Variants in NVL observed in about 807,000 individuals in gnomAD.
The protein encoded by NVL is nuclear valosin-containing protein-like.
In NVL, 84 loss-of-function variants were observed where a neutral mutation model predicts 110.2. That is an observed-to-expected ratio of 0.76 (90% CI 0.64 to 0.91). NVL has a LOEUF of 0.91. Ranked by LOEUF, NVL falls within the 40% of genes least tolerant of loss-of-function variation. NVL has a pLI of 0.00. For missense variants in NVL, 882 were observed against 1,035.9 expected, an observed-to-expected ratio of 0.85 and a Z score of 2.04; for synonymous variants, 354 against 361.1, an observed-to-expected ratio of 0.98 and a Z score of 0.22.
chr1:224,291,880 G>A (rs562311260), intron 12 of NVL, among the ~76,000 whole-genome samples: 1 of 152,146 alleles, frequency 6.6e-6, no homozygotes, highest in Non-Finnish European at 1.5e-5. Flanking sequence ...AAAAAAGTGG[G>A]TATTTTTGGT....
rs764564167 is a variant in NVL, at chr1:224,307,940, G to C, written c.615+51C>G. The C allele has an allele frequency of 2.7e-6, 4 of 1,470,812 alleles. No individual in the cohort carries two copies. The African/African-American group carries it at 5.6e-5, about 21-fold the overall frequency. 91.1% of individuals were successfully genotyped at this position (1,470,812 alleles called of 1,614,324 possible). A position where few individuals can be genotyped will look rare whatever the true frequency, so the allele number is the denominator to read the frequency against. Reference sequence around the variant, plus strand: ...TGATTGATATTATATTCAACTAAAAGGTTGAAATGTACTTCGATGATATGG... The same window carrying C: ...TGATTGATATTATATTCAACTAAAACGTTGAAATGTACTTCGATGATATGG... On this transcript the variant is annotated intron_variant, in intron 6 of 22. Coordinates refer to ENST00000281701, the MANE Select transcript of NVL (RefSeq NM_002533.4).
intron 2 of NVL, among the ~76,000 whole-genome samples, chr1:224,323,249 G>A (rs1425671433): frequency 6.6e-6 from 1 of 152,152 alleles, no homozygotes; most frequent in Admixed American, 6.5e-5. Flanking sequence ...GCAAAGTGTT[G>A]AAGTGTGGCC....
intron 19 of NVL, among the ~76,000 whole-genome samples, chr1:224,244,144 G>C (rs28673377): frequency 1.3e-5 from 2 of 151,310 alleles, no homozygotes; most frequent in Non-Finnish European, 2.9e-5. Context: ...AAGGAGGGCG[G>C]ATCACATGAG....
chr1:224,234,274 C>T (rs566721788), intron 20 of NVL, among the ~76,000 whole-genome samples: 1 of 152,210 alleles, frequency 6.6e-6, no homozygotes, highest in South Asian at 2.1e-4. Context: ...CACTACATTA[C>T]AGCTGTAACA....
intron 5 of NVL, among the ~76,000 whole-genome samples, chr1:224,310,447 C>A (rs569656898): frequency 6.6e-6 from 1 of 152,064 alleles, no homozygotes; most frequent in South Asian, 2.1e-4. Context: ...ATTACTAATG[C>A]CATCTCCTTG....
At chr1:224,329,078 G>A in intron 1 of NVL, among the ~76,000 whole-genome samples, 1 of 151,960 alleles carries the variant, frequency 6.6e-6, no homozygotes, top group Non-Finnish European at 1.5e-5. Context: ...AGGTGTGGTG[G>A]TGCACACCTG....
chr1:224,312,424 T>C (rs1264851757), intron 4 of NVL: 1 of 152,380 alleles, frequency 6.6e-6, no homozygotes, highest in Non-Finnish European at 1.5e-5. Context: ...CCTAATAAAC[T>C]ACAAGCTGAG....
At chr1:224,251,583 T>C (rs1425762734) in intron 18 of NVL, among the ~76,000 whole-genome samples, 1 of 152,134 alleles carries the variant, frequency 6.6e-6, no homozygotes, top group Non-Finnish European at 1.5e-5. Context: ...GAGGCTGCAA[T>C]GAGCGGAGAT....
At chr1:224,228,789 A>T (rs906073987) in intron 22 of NVL, among the ~76,000 whole-genome samples, 4 of 150,492 alleles carry the variant, frequency 2.7e-5, no homozygotes, top group Admixed American at 1.3e-4. Context: ...ATACAAAAAA[A>T]TTAGCTGGGC....
intron 10 of NVL, chr1:224,298,562 G>C (rs1668095638): frequency 4.5e-6 from 1 of 221,198 alleles, no homozygotes; most frequent in Admixed American, 4.2e-5. Flanking sequence ...GAAGGAGCCT[G>C]AACTGCTGGA....
intron 5 of NVL, among the ~76,000 whole-genome samples, chr1:224,309,771 G>A (rs1229168410): frequency 1.3e-5 from 2 of 152,162 alleles, no homozygotes; most frequent in East Asian, 3.9e-4. Context: ...TCTCATGTCT[G>A]TTATTCCAGC....
intron 19 of NVL, among the ~76,000 whole-genome samples, chr1:224,246,778 G>A (rs1489062117): frequency 6.6e-6 from 1 of 152,300 alleles, no homozygotes; most frequent in African/African-American, 2.4e-5. Flanking sequence ...GCTCACGCCT[G>A]TAATCCCAGC....
chr1:224,257,601 C>G (rs1316380838), intron 18 of NVL, among the ~76,000 whole-genome samples: 1 of 152,026 alleles, frequency 6.6e-6, no homozygotes, highest in Non-Finnish European at 1.5e-5. Context: ...TATCATAGCT[C>G]ACTGCAGCCT....
chr1:224,322,777 A>T (rs2102791594), intron 2 of NVL, among the ~76,000 whole-genome samples: 1 of 152,250 alleles, frequency 6.6e-6, no homozygotes, highest in East Asian at 1.9e-4. Context: ...AACACAGTGA[A>T]ACCCTGTCGC....
chr1:224,240,023 G>A lies in NVL; in HGVS notation c.2290-3441C>T, dbSNP rs182739022. Among the ~76,000 whole-genome samples, 526 of 148,852 alleles carry A rather than the reference G, an allele frequency of 3.5e-3. 1 individual carries two copies. Among genetic ancestry groups the A allele is most frequent in the Non-Finnish European group, 5.3e-3 (359 of 67,492 alleles). On this transcript the variant is annotated intron_variant, in intron 19 of 22. Transcript: ENST00000281701. ...AGCGATTCTCCTGCCTCAGCCCCGAGTAGCTGGGATTACAGGCATGCGCTA... is the reference window on the plus strand; with the variant it reads ...AGCGATTCTCCTGCCTCAGCCCCGAATAGCTGGGATTACAGGCATGCGCTA...
At chr1:224,240,715 G>T (rs1247474859) in intron 19 of NVL, among the ~76,000 whole-genome samples, 1 of 148,054 alleles carries the variant, frequency 6.8e-6, no homozygotes, top group Non-Finnish European at 1.5e-5. Flanking sequence ...CTAATTCTTA[G>T]AAGATTAAAC....
chr1:224,282,815 G>A (rs1012567755), intron 15 of NVL, among the ~76,000 whole-genome samples: 1 of 152,160 alleles, frequency 6.6e-6, no homozygotes, highest in Non-Finnish European at 1.5e-5. Context: ...CTTTATGCTA[G>A]TTACATACTT....
At chr1:224,290,105 C>T (rs943585609) in intron 12 of NVL, among the ~76,000 whole-genome samples, 3 of 152,152 alleles carry the variant, frequency 2.0e-5, no homozygotes, top group Admixed American at 1.3e-4. Flanking sequence ...CCCCCACATA[C>T]ACACAAACCA....
At chr1:224,300,211 A>G (rs1046612101) in intron 10 of NVL, among the ~76,000 whole-genome samples, 1 of 152,198 alleles carries the variant, frequency 6.6e-6, no homozygotes, top group Non-Finnish European at 1.5e-5. Flanking sequence ...CAATTTTTAC[A>G]TTGCTTACAA....
Sources: allele counts gnomAD v4.1 joint callset (sites outside exome capture counted in the v4.1 genomes callset), GRCh38; gene constraint gnomAD v4.1.1; transcripts MANE v1.5; gene names NCBI Gene and HGNC (gene_info 2026-07-23, HGNC 2026-07-21).